The following CDH4 variants were observed in gnomAD, a reference collection of about 807,000 sequenced individuals.
CDH4 encodes the protein cadherin 4, also known as cadherin-4.
Under a neutral mutation model 86.0 loss-of-function variants are expected in CDH4, and 33 were observed. That is an observed-to-expected ratio of 0.38 (90% CI 0.29 to 0.51). CDH4 has a LOEUF of 0.51. CDH4 is among the 20% of genes least tolerant of loss of function. CDH4 has a pLI of 0.86. For missense variants in CDH4, 1,114 were observed against 1,307.4 expected (o/e 0.85, Z 2.28); for synonymous variants, 555 against 549.4 (o/e 1.01, Z -0.14).
Position 61,829,930 on chromosome 20 carries a change from A to G in CDH4, c.577-14738A>G, listed in dbSNP as rs536479434. ...CTGCCCGGCCGGCCCTGGGGCTGGG[A>G]GGCAGGTGTGGGAAGTGCAGGTGGG... is the stretch of plus-strand genomic sequence containing the variant. On this transcript the variant is annotated intron_variant, in intron 4 of 15. Coordinates refer to ENST00000614565, the MANE Select transcript of CDH4 (RefSeq NM_001794.5). The surrounding 1 kb of genome is among the most constrained non-coding windows in gnomAD (Gnocchi z 4.2). 1.0e-3 allele frequency among the ~76,000 whole-genome samples: 159 copies of G among 151,990 alleles called. 1 individual carries two copies. The highest frequency in any genetic ancestry group is 3.4e-3 in the African/African-American group (143 of 41,456).
intron 2 of CDH4, among the ~76,000 whole-genome samples, chr20:61,319,801 A>G (rs1381409837): frequency 6.6e-6 from 1 of 150,598 alleles, no homozygotes; most frequent in Non-Finnish European, 1.5e-5. Flanking sequence ...AAAAAAAAAC[A>G]AAATTAACCA....
At position 61,698,178 on chromosome 20, in the gene CDH4, C is replaced by T. The variant is rs145274943; in HGVS notation, c.170-45385C>T. Among the ~76,000 whole-genome samples the T allele has an allele frequency of 4.5e-3, 686 of 152,334 alleles. 12 individuals carry two copies. The highest frequency in any genetic ancestry group is 0.025 in the South Asian group (119 of 4,820). ...CCCCTTGCACGGGCTCCACTCCGGACGGTCCCTGAGACTCTCCCGCCCTCA... is the reference window on the plus strand; with the variant it reads ...CCCCTTGCACGGGCTCCACTCCGGATGGTCCCTGAGACTCTCCCGCCCTCA... On this transcript the variant is annotated intron_variant, in intron 2 of 15. Coordinates refer to ENST00000614565, the MANE Select transcript of CDH4 (RefSeq NM_001794.5).
intron 2 of CDH4, among the ~76,000 whole-genome samples, chr20:61,542,203 C>T (rs1344648744): frequency 6.6e-6 from 1 of 152,164 alleles, no homozygotes; most frequent in Non-Finnish European, 1.5e-5. Flanking sequence ...GCAAAACCCA[C>T]CCCATCCTGA....
intron 8 of CDH4, among the ~76,000 whole-genome samples, chr20:61,907,551 G>T (rs1019345134): frequency 3.9e-5 from 6 of 152,220 alleles, no homozygotes; most frequent in Admixed American, 3.9e-4. Flanking sequence ...ATGCCATGAT[G>T]CCTTGCAGTG....
intron 2 of CDH4, among the ~76,000 whole-genome samples, chr20:61,438,955 G>C (rs6062004): frequency 0.17 from 25,807 of 150,676 alleles, 2,290 homozygotes; most frequent in African/African-American, 0.19. Context: ...CTAAAAACAT[G>C]AAGATCATAA....
chr20:61,323,021 C>A (rs1212204706), intron 2 of CDH4, among the ~76,000 whole-genome samples: 1 of 152,202 alleles, frequency 6.6e-6, no homozygotes, highest in Non-Finnish European at 1.5e-5. Context: ...AGAGTTGAGA[C>A]TTCCAGCCAG....
chr20:61,758,435 C>T (rs1280942842), intron 3 of CDH4, among the ~76,000 whole-genome samples: 1 of 152,212 alleles, frequency 6.6e-6, no homozygotes, highest in African/African-American at 2.4e-5. Context: ...GCATGGTTGA[C>T]TCATTTGCTG....
chr20:61,937,350 G>A lies in CDH4; in HGVS notation c.*407G>A, dbSNP rs998576851. 5.8e-5 allele frequency: 9 copies of A among 155,714 alleles called. No homozygotes were observed. Among genetic ancestry groups the A allele is most frequent in the East Asian group, 1.9e-4 (1 of 5,308 alleles). 9.6% of individuals were successfully genotyped at this position (155,714 alleles called of 1,614,324 possible). A position where few individuals can be genotyped will look rare whatever the true frequency, so the allele number is the denominator to read the frequency against. On this transcript the variant is annotated 3_prime_UTR_variant, in exon 16 of 16. Coordinates refer to ENST00000614565, the MANE Select transcript of CDH4 (RefSeq NM_001794.5). The stretch of plus-strand genomic sequence containing the variant: ...CAGACCGTCCCCACCTTCCCATCCC[G>A]AGCGGCCTCCAACCCCAGCTAGTCC...
intron 2 of CDH4, among the ~76,000 whole-genome samples, chr20:61,492,212 T>C (rs903266244): frequency 6.6e-6 from 1 of 152,092 alleles, no homozygotes; most frequent in Non-Finnish European, 1.5e-5. Context: ...ATATTGGTGG[T>C]GTTGATATTG....
Position 61,644,360 on chromosome 20 carries a change from C to T in CDH4, c.170-99203C>T, listed in dbSNP as rs189360842. 3.4e-3 allele frequency among the ~76,000 whole-genome samples: 511 copies of T among 152,338 alleles called. 2 individuals carry two copies. The highest frequency in any genetic ancestry group is 6.2e-3 in the Non-Finnish European group (421 of 68,028). On this transcript the variant is annotated intron_variant, in intron 2 of 15. Transcript: ENST00000614565. ...ACCTCCTCACAGATGCACAGGGCTG[C>T]GCAGAGCCCTTCGAGGACGGGGAGC...
At chr20:61,542,748 A>G (rs1403209588) in intron 2 of CDH4, among the ~76,000 whole-genome samples, 5 of 152,224 alleles carry the variant, frequency 3.3e-5, no homozygotes. Flanking sequence ...AGAAATCGGT[A>G]TTAGGGTTCT....
At position 61,516,902 on chromosome 20, in the gene CDH4, A is replaced by C. The variant is rs1438550233; in HGVS notation, c.170-226661A>C. Among the ~76,000 whole-genome samples, 1 of 152,188 alleles carries C rather than the reference A, an allele frequency of 6.6e-6. No homozygotes were observed. The highest frequency in any genetic ancestry group is 1.5e-5 in the Non-Finnish European group (1 of 68,034). On this transcript the variant is annotated intron_variant, in intron 2 of 15. Coordinates refer to ENST00000614565, the MANE Select transcript of CDH4 (RefSeq NM_001794.5). The surrounding 1 kb of genome is among the most constrained non-coding windows in gnomAD (Gnocchi z 4.0). ...GAGCTCCAGGCACCCTCAGCCTGTCAACTTTTCAACTCCTCCAGCGAGTCC... is the reference window on the plus strand; with the variant it reads ...GAGCTCCAGGCACCCTCAGCCTGTCCACTTTTCAACTCCTCCAGCGAGTCC...
At chr20:61,930,402 G>A (rs1289456210) in intron 13 of CDH4, among the ~76,000 whole-genome samples, 10 of 152,264 alleles carry the variant, frequency 6.6e-5, no homozygotes, top group South Asian at 4.1e-4. Flanking sequence ...GCGGGGGGGC[G>A]GTGCCAGGGG....
In CDH4 at chr20:61,829,552, G is replaced by A. The variant is rs1016179172; in HGVS notation, c.577-15116G>A. On this transcript the variant is annotated intron_variant, in intron 4 of 15. Transcript: ENST00000614565. The surrounding 1 kb of genome is among the most constrained non-coding windows in gnomAD (Gnocchi z 4.2). ...GGTCACGCATGCAGCAGCTCTGCTC[G>A]CCTTTCTGGAGGCCACGAGCCTGTT... 3.3e-5 allele frequency among the ~76,000 whole-genome samples: 5 copies of A among 152,214 alleles called. No homozygotes were observed. The highest frequency in any genetic ancestry group is 7.2e-5 in the African/African-American group (3 of 41,460).
chr20:61,795,038 G>C (rs1204154415), intron 4 of CDH4, among the ~76,000 whole-genome samples: 5 of 149,808 alleles, frequency 3.3e-5, no homozygotes, highest in African/African-American at 1.2e-4. Flanking sequence ...TGGTGGTGAT[G>C]ATGTTTATGA....
At chr20:61,384,577 G>A (rs6121665) in intron 2 of CDH4, among the ~76,000 whole-genome samples, 37,484 of 151,914 alleles carry the variant, frequency 0.25, 5,009 homozygotes, top group African/African-American at 0.34. Context: ...CACCCTCTGC[G>A]TCTTCTACCC....
At chr20:61,619,081 C>T (rs1196655447) in intron 2 of CDH4, among the ~76,000 whole-genome samples, 1 of 152,216 alleles carries the variant, frequency 6.6e-6, no homozygotes, top group Non-Finnish European at 1.5e-5. Context: ...AAGAAACAGG[C>T]CTGGCCCAGC....
intron 2 of CDH4, among the ~76,000 whole-genome samples, chr20:61,677,695 A>ACGGACGGACG (rs1436401996): frequency 2.1e-5 from 3 of 145,700 alleles, no homozygotes; most frequent in African/African-American, 7.7e-5. Flanking sequence ...ACGGACGGAC[A>ACGGACGGACG]GACGGACGGA....
At chr20:61,922,865 C>T (rs1485135640) in intron 9 of CDH4, among the ~76,000 whole-genome samples, 1 of 152,258 alleles carries the variant, frequency 6.6e-6, no homozygotes, top group African/African-American at 2.4e-5. Context: ...AAGCGATCCT[C>T]CCACCTTAGC....
Sources: allele counts gnomAD v4.1 joint callset (sites outside exome capture counted in the v4.1 genomes callset), GRCh38; gene constraint gnomAD v4.1.1; non-coding constraint Gnocchi (gnomAD v3.1); transcripts MANE v1.5; gene names NCBI Gene and HGNC (gene_info 2026-07-23, HGNC 2026-07-21).